Variants in MTTP observed in about 807,000 individuals in gnomAD.
The protein encoded by MTTP is microsomal triglyceride transfer protein large subunit.
In MTTP, 49 loss-of-function variants were observed where a neutral mutation model predicts 90.6. The observed-to-expected ratio is 0.54, with a 90% CI of 0.43 to 0.69. The LOEUF is 0.69. MTTP is among the 30% of genes least tolerant of loss of function. MTTP has a pLI of 0.00. For missense variants in MTTP, 945 were observed against 1,067.5 expected (o/e 0.89, Z 1.60); for synonymous variants, 347 against 384.2 (o/e 0.90, Z 1.13).
At chr4:99,579,864 C>G (rs998048788) in intron 1 of MTTP, among the ~76,000 whole-genome samples, 6 of 151,388 alleles carry the variant, frequency 4.0e-5, no homozygotes, top group East Asian at 2.0e-4. Context: ...AAGGCAAAAC[C>G]CTATCTCTAC....
intron 17 of MTTP, among the ~76,000 whole-genome samples, chr4:99,621,851 A>G (rs1181184143): frequency 6.6e-6 from 1 of 152,200 alleles, no homozygotes; most frequent in East Asian, 1.9e-4. Context: ...TTGTAACAAT[A>G]CTATCACATA....
intron 15 of MTTP, among the ~76,000 whole-genome samples, chr4:99,614,649 T>C (rs1726055723): frequency 6.6e-6 from 1 of 152,236 alleles, no homozygotes; most frequent in East Asian, 1.9e-4. Context: ...TTTGACCTCA[T>C]GCTTGTCACC....
At position 99,594,710 on chromosome 4, in the gene MTTP, C is replaced by T. The variant is rs745463024; in HGVS notation, c.759-23C>T. On this transcript the variant is annotated intron_variant, in intron 6 of 17. Transcript: ENST00000265517. ...ACTCAAAAGAATGATTATAATATAG[C>T]ATTTCCCTTTGGTATTATGCAGGCA... The T allele has an allele frequency of 1.9e-6, 3 of 1,612,956 alleles. No individual in the cohort carries two copies. The Admixed American group carries it at 5.0e-5, about 27-fold the overall frequency.
chr4:99,590,379 C>T (rs576271002), intron 4 of MTTP, among the ~76,000 whole-genome samples: 3 of 152,246 alleles, frequency 2.0e-5, no homozygotes, highest in East Asian at 1.9e-4. Flanking sequence ...CATGAGCCAC[C>T]GCGCTTGGTC....
intron 8 of MTTP, 21 bp downstream of exon 8, chr4:99,597,245 G>A: frequency 6.2e-7 from 1 of 1,610,678 alleles, no homozygotes; most frequent in Non-Finnish European, 8.5e-7. Flanking sequence ...CAACCTTTGT[G>A]TGGGGTTGTC....
At position 99,622,799 on chromosome 4, in the gene MTTP, A is replaced by G. The variant is rs114049933; in HGVS notation, c.2636A>G (p.Lys879Arg). The change falls in exon 18 of 18, where the codon AAA becomes AGA. Residue 879 changes from lysine (K) to arginine (R), a missense_variant. Lys to Arg is a conservative substitution (Grantham distance 26). Transcript: ENST00000265517. Reference protein sequence around the residue: ...PLHQENSEMCKVVFAPQPDST... With the variant: ...PLHQENSEMCRVVFAPQPDST... The stretch of plus-strand genomic sequence containing the variant: ...CATCAAGAGAACTCAGAGATGTGCA[A>G]AGTGGTGTTTGCCCCTCAGCCGGAT... 2,925 of 1,614,110 alleles carry G rather than the reference A, an allele frequency of 1.8e-3. 54 individuals are homozygous for G. In the African/African-American group the frequency reaches 0.032, roughly 18 times the overall value.
rs537101785 is a variant in MTTP at position 99,564,309 on chromosome 4, T to G, written c.-102+72T>G. Reference sequence around the variant, plus strand: ...CAAAACAACGAAGAAAGGCTCCTAATTTTTCTGTGTTGAAAATGAGAGAAA... The same window carrying G: ...CAAAACAACGAAGAAAGGCTCCTAAGTTTTCTGTGTTGAAAATGAGAGAAA... On this transcript the variant is annotated intron_variant, in intron 1 of 18. Transcript: ENST00000457717. 3,085 of 1,424,214 alleles carry G rather than the reference T, an allele frequency of 2.2e-3. 5 individuals are homozygous for G. The highest frequency in any genetic ancestry group is 2.6e-3 in the Non-Finnish European group (2,772 of 1,061,424). 88.2% of individuals were successfully genotyped at this position (1,424,214 alleles called of 1,614,324 possible).
At chr4:99,582,604 C>T (rs11937107) in intron 2 of MTTP, among the ~76,000 whole-genome samples, 39,807 of 151,988 alleles carry the variant, frequency 0.26, 5,372 homozygotes, top group South Asian at 0.35. Context: ...GATTTATGTG[C>T]TGAGAAGGGA....
intron 14 of MTTP, among the ~76,000 whole-genome samples, chr4:99,611,877 T>G (rs1725965092): frequency 6.6e-6 from 1 of 152,178 alleles, no homozygotes; most frequent in Admixed American, 6.6e-5. Context: ...AGAGATTGAT[T>G]CCCCATAATA....
chr4:99,592,870 C>G (rs1725465666), intron 6 of MTTP, among the ~76,000 whole-genome samples: 1 of 152,116 alleles, frequency 6.6e-6, no homozygotes, highest in East Asian at 1.9e-4. Flanking sequence ...TCATTTGTCA[C>G]CATTATCAAG....
At chr4:99,594,958 C>T (rs1725520317) in intron 7 of MTTP, 75 bp downstream of exon 7, 5 of 1,552,174 alleles carry the variant, frequency 3.2e-6, no homozygotes. Context: ...AAAGCATCAA[C>T]TCATTCAATG....
intron 11 of MTTP, 77 bp from the exon 12 acceptor site, chr4:99,608,689 A>G (rs1725878663): frequency 8.9e-7 from 1 of 1,125,810 alleles, no homozygotes; most frequent in South Asian, 1.2e-5. Flanking sequence ...ATGAACACTC[A>G]CTATTCCTGC....
chr4:99,600,937 T>A (rs1285140339), intron 9 of MTTP, among the ~76,000 whole-genome samples: 1 of 152,166 alleles, frequency 6.6e-6, no homozygotes, highest in African/African-American at 2.4e-5. Flanking sequence ...GTAATTTCAG[T>A]AAGTAGTATA....
At chr4:99,566,000 G>A (rs1454797993) in intron 1 of MTTP, among the ~76,000 whole-genome samples, 1 of 152,122 alleles carries the variant, frequency 6.6e-6, no homozygotes, top group Non-Finnish European at 1.5e-5. Context: ...AAGAAAAATA[G>A]GTTTTGAGGC....
At chr4:99,588,704 T>C (rs115018611) in intron 3 of MTTP, among the ~76,000 whole-genome samples, 17,421 of 96,588 alleles carry the variant, frequency 0.18, 1,076 homozygotes, top group East Asian at 0.31. Flanking sequence ...TATACACACA[T>C]ATATATATAT....
intron 12 of MTTP, among the ~76,000 whole-genome samples, chr4:99,610,453 C>G (rs1725923156): frequency 6.6e-6 from 1 of 152,134 alleles, no homozygotes. Context: ...TTATTTTCTA[C>G]CTTAGACCTA....
intron 6 of MTTP, among the ~76,000 whole-genome samples, chr4:99,593,945 C>T (rs1312077751): frequency 3.3e-5 from 5 of 152,130 alleles, no homozygotes; most frequent in Non-Finnish European, 5.9e-5. Flanking sequence ...CTTGCCTTGG[C>T]CTTGCTAGGC....
intron 1 of MTTP, among the ~76,000 whole-genome samples, 184 bp downstream of exon 1, chr4:99,575,154 A>G (rs989241236): frequency 1.3e-5 from 2 of 152,172 alleles, no homozygotes; most frequent in African/African-American, 4.8e-5. Flanking sequence ...AACCAAATTC[A>G]AATCCCTACA....
rs1436283125 is a variant in MTTP, at chr4:99,597,216, G to A, written c.1059G>A (p.Lys353=). ...TTCAAATACTAAAGATGGAAAATAA[G>A]GAAGTATTGTAAGTTCCCCAACCTT... is the stretch of plus-strand genomic sequence containing the variant. The part of the protein sequence containing the change: ...EILQILKMEN[K]EVLPQLVDAV... Residue 353 remains lysine (K), a synonymous_variant, in exon 8 of 18, where the codon AAG becomes AAA. Transcript: ENST00000265517. The A allele has an allele frequency of 1.2e-6, 2 of 1,613,384 alleles. No individual in the cohort carries two copies. The highest frequency in any genetic ancestry group is 1.3e-5 in the African/African-American group (1 of 75,010).
Sources: allele counts gnomAD v4.1 joint callset (sites outside exome capture counted in the v4.1 genomes callset), GRCh38; gene constraint gnomAD v4.1.1; transcripts MANE v1.5; gene names NCBI Gene and HGNC (gene_info 2026-07-23, HGNC 2026-07-21).